PIK3CD: variants seen among roughly 807,000 people sequenced by gnomAD.
PIK3CD encodes the protein phosphatidylinositol 4,5-bisphosphate 3-kinase catalytic subunit delta isoform.
PIK3CD carries 20 observed loss-of-function variants against 122.9 expected under a neutral mutation model. The observed-to-expected ratio is 0.16, with a 90% CI of 0.11 to 0.24. The LOEUF is 0.24. PIK3CD is among the 10% of genes least tolerant of loss of function. PIK3CD has a pLI of 1.00. For missense variants in PIK3CD, 787 were observed against 1,406.3 expected, an observed-to-expected ratio of 0.56 and a Z score of 7.04; for synonymous variants, 596 against 593.4, an observed-to-expected ratio of 1.00 and a Z score of -0.06.
In PIK3CD at chr1:9,727,192, T is replaced by C. The variant is rs1301864539; in HGVS notation, c.*146T>C. On this transcript the variant is annotated 3_prime_UTR_variant, in exon 24 of 24. Transcript: ENST00000377346. Reference sequence around the variant, plus strand: ...GCCTTTTGTTTACACTGGTTATTTATTTATGACTTGAAATAGTTTAAGGAG... The same window carrying C: ...GCCTTTTGTTTACACTGGTTATTTACTTATGACTTGAAATAGTTTAAGGAG... The C allele has an allele frequency of 1.1e-6, 1 of 910,330 alleles. No homozygotes were observed. Among genetic ancestry groups the C allele is most frequent in the Non-Finnish European group, 1.7e-6 (1 of 574,204 alleles). 56.4% of individuals were successfully genotyped at this position (910,330 alleles called of 1,614,324 possible).
At chr1:9,713,939 A>G (rs952511557) in intron 3 of PIK3CD, among the ~76,000 whole-genome samples, 1 of 150,570 alleles carries the variant, frequency 6.6e-6, no homozygotes, top group Non-Finnish European at 1.5e-5. Flanking sequence ...GGCAGCCTCA[A>G]CCTCCTGGGC....
At chr1:9,654,393 C>T (rs906500494) in intron 1 of PIK3CD, 2 of 1,367,526 alleles carry the variant, frequency 1.5e-6, no homozygotes, top group African/African-American at 3.0e-5. Context: ...ACACGGGGTG[C>T]CAGGGGCTGT....
chr1:9,667,580 G>T (rs1341272300), intron 1 of PIK3CD, among the ~76,000 whole-genome samples: 1 of 151,578 alleles, frequency 6.6e-6, no homozygotes, highest in Non-Finnish European at 1.5e-5. Context: ...GTTTCACCGT[G>T]TTAGCCAGGA....
Position 9,719,056 on chromosome 1 carries a change from C to A in PIK3CD, c.1242+141C>A, listed in dbSNP as rs1048615131. On this transcript the variant is annotated intron_variant, in intron 9 of 23. Transcript: ENST00000377346. This position sits in a 1 kb window ranked among gnomAD's most constrained non-coding sequence, Gnocchi z 5.5. ...GGGATTGCTTGTGGACCCCAGCCTC[C>A]TCACCCACCCTAGTCTGGCCACCAG... 3 of 786,798 alleles carry A rather than the reference C, an allele frequency of 3.8e-6. No individual in the cohort carries two copies. The highest frequency in any genetic ancestry group is 6.3e-6 in the Non-Finnish European group (3 of 473,370). 48.7% of individuals were successfully genotyped at this position (786,798 alleles called of 1,614,324 possible).
intron 1 of PIK3CD, among the ~76,000 whole-genome samples, chr1:9,657,972 C>G (rs1471132903): frequency 6.6e-6 from 1 of 152,098 alleles, no homozygotes; most frequent in Non-Finnish European, 1.5e-5. Context: ...GGCTGGGCCC[C>G]CCCCTTGCAT....
At position 9,717,267 on chromosome 1, in the gene PIK3CD, G is replaced by A. The variant is rs1350444067; in HGVS notation, c.930+159G>A. On this transcript the variant is annotated intron_variant, in intron 7 of 23. Coordinates refer to ENST00000377346, the MANE Select transcript of PIK3CD (RefSeq NM_005026.5). The surrounding 1 kb of genome is among the most constrained non-coding windows in gnomAD (Gnocchi z 5.4). ...ACAGCTGACCAGCGTCCTGGGCTGG[G>A]GGCCTGTGGGACTGCCGTGGGTGGG... Among the ~76,000 whole-genome samples the A allele has an allele frequency of 6.6e-6, 1 of 152,234 alleles. No individual in the cohort carries two copies. Among genetic ancestry groups the A allele is most frequent in the African/African-American group, 2.4e-5 (1 of 41,470 alleles).
At chr1:9,691,707 C>T (rs1646203250) in intron 2 of PIK3CD, 136 bp downstream of exon 2, 2 of 391,708 alleles carry the variant, frequency 5.1e-6, no homozygotes, top group East Asian at 3.6e-5. Context: ...GACTAGCACA[C>T]CCAGAGGAAG....
At chr1:9,716,272 G>A (rs368234636) in intron 5 of PIK3CD, 168 bp from the exon 6 acceptor site, 39 of 811,356 alleles carry the variant, frequency 4.8e-5, no homozygotes, top group African/African-American at 4.4e-4. Flanking sequence ...TAACCAAGTG[G>A]CGTGGGGCAT....
At chr1:9,637,964 A>G in the PIK3CD span, among the ~76,000 whole-genome samples, 1 of 151,822 alleles carries the variant, frequency 6.6e-6, no homozygotes, top group African/African-American at 2.4e-5. Context: ...ATAATTAGCC[A>G]GCCATGGTGG....
At chr1:9,658,506 T>A (rs1644923304) in intron 1 of PIK3CD, among the ~76,000 whole-genome samples, 1 of 149,046 alleles carries the variant, frequency 6.7e-6, no homozygotes, top group Non-Finnish European at 1.5e-5. Flanking sequence ...CTGAACTGGG[T>A]TTTTTCCCAG....
intron 1 of PIK3CD, among the ~76,000 whole-genome samples, chr1:9,655,527 G>A (rs1445336039): frequency 7.9e-6 from 1 of 126,756 alleles, no homozygotes; most frequent in African/African-American, 3.1e-5. Flanking sequence ...TCCCCTCCCT[G>A]AGGGCCAGCA....
intron 1 of PIK3CD, among the ~76,000 whole-genome samples, chr1:9,672,182 A>G (rs373268052): frequency 1.4e-4 from 21 of 152,228 alleles, no homozygotes; most frequent in African/African-American, 5.1e-4. Flanking sequence ...TGAAGCTTCA[A>G]CTTCTATTTT....
intron 6 of PIK3CD, 142 bp from the exon 7 acceptor site, chr1:9,716,817 G>A (rs1330374115): frequency 3.1e-6 from 4 of 1,281,204 alleles, no homozygotes; most frequent in Admixed American, 3.4e-5. Context: ...GTGGAGGTGG[G>A]GCAGGAAAAA....
At chr1:9,686,242 C>T (rs1161474001) in intron 1 of PIK3CD, among the ~76,000 whole-genome samples, 2 of 152,154 alleles carry the variant, frequency 1.3e-5, no homozygotes, top group Non-Finnish European at 2.9e-5. Context: ...AGTAGAGGAG[C>T]AGGAATCTAA....
In PIK3CD at chr1:9,720,831, A is replaced by T. The variant is rs1444212968; in HGVS notation, c.1611A>T (p.Glu537Asp). 6.2e-7 allele frequency: 1 copy of T among 1,612,988 alleles called. No homozygotes were observed. Among genetic ancestry groups the T allele is most frequent in the South Asian group, 1.1e-5 (1 of 90,928 alleles). The change falls in exon 13 of 24, where the codon GAA becomes GAT. Residue 537 changes from glutamate (E) to aspartate (D), a missense_variant. Transcript: ENST00000377346. The surrounding 1 kb of genome is among the most constrained non-coding windows in gnomAD (Gnocchi z 9.0). Reference sequence around the variant, plus strand: ...ACCTGGTGTGGAAGCTGCGGCATGAAGTCCAGGAGCACTTCCCGGAGGCGC... The same window carrying T: ...ACCTGGTGTGGAAGCTGCGGCATGATGTCCAGGAGCACTTCCCGGAGGCGC... ...EKDLVWKLRH[E>D]VQEHFPEALA...
the PIK3CD span, among the ~76,000 whole-genome samples, chr1:9,631,091 C>T: frequency 6.6e-6 from 1 of 152,110 alleles, no homozygotes; most frequent in African/African-American, 2.4e-5. Context: ...CTTATCAGAC[C>T]CAGAGTTGCA....
At position 9,720,782 on chromosome 1, in the gene PIK3CD, G is replaced by T. The variant is rs751294374; in HGVS notation, c.1562G>T (p.Gly521Val). The T allele has an allele frequency of 5.6e-6, 9 of 1,612,760 alleles. No individual in the cohort carries two copies. Among genetic ancestry groups the T allele is most frequent in the Non-Finnish European group, 6.8e-6 (8 of 1,179,776 alleles). The change falls in exon 13 of 24, where the codon GGG (glycine) becomes GTG (valine). Residue 521 changes from glycine to valine, a missense_variant. Physicochemically the swap from Gly to Val is moderately radical, Grantham distance 109 (BLOSUM62 -3). Transcript: ENST00000377346. The surrounding 1 kb of genome is among the most constrained non-coding windows in gnomAD (Gnocchi z 9.0). ...GAAATCCTGGAGCGGCGGGGGTCTG[G>T]GGAGCTGTATGAGCACGAGAAGGAC... ...LREILERRGS[G>V]ELYEHEKDLV...
In PIK3CD at chr1:9,724,654, G is replaced by T. The variant is rs1570401820; in HGVS notation, c.2865-150G>T. The stretch of plus-strand genomic sequence containing the variant: ...GCAGGAGGCTGGCTGGGGCACGGGG[G>T]TCAGTTAGCAGAACTGGAGGCCTTG... On this transcript the variant is annotated intron_variant, in intron 22 of 23. Coordinates refer to ENST00000377346, the MANE Select transcript of PIK3CD (RefSeq NM_005026.5). This position sits in a 1 kb window ranked among gnomAD's most constrained non-coding sequence, Gnocchi z 7.3. 1 of 1,148,360 alleles carries T rather than the reference G, an allele frequency of 8.7e-7. No individual in the cohort carries two copies. The highest frequency in any genetic ancestry group is 1.3e-6 in the Non-Finnish European group (1 of 763,384). The allele number at this position is 1,148,360 out of a possible 1,614,324, so 71.1% of individuals were successfully genotyped here.
chr1:9,716,082 AGCCCATGCGTG>A lies in PIK3CD; in HGVS notation c.600+8_600+18del. On this transcript the variant is annotated splice_donor_5th_base_variant and intron_variant, in intron 5 of 23. Coordinates refer to ENST00000377346, the MANE Select transcript of PIK3CD (RefSeq NM_005026.5). ...CGTTAAGTTTGAGGGCAGCGAGGTG[AGCCCATGCGTG>A]GCCTGCGGCATCCAGGCTGCTCTGT... The A allele has an allele frequency of 6.2e-7, 1 of 1,609,696 alleles. No homozygotes were observed. Among genetic ancestry groups the A allele is most frequent in the Non-Finnish European group, 8.5e-7 (1 of 1,177,960 alleles).
Sources: gnomAD v4.1 joint callset for allele counts (sites outside exome capture counted in the v4.1 genomes callset) on GRCh38, gnomAD v4.1.1 for gene constraint, Gnocchi (gnomAD v3.1) non-coding constraint, MANE v1.5 for transcripts, NCBI Gene and HGNC (gene_info 2026-07-23, HGNC 2026-07-21) for gene names.